The following ANAPC16 variants were observed in gnomAD, a reference collection of about 807,000 sequenced individuals.
ANAPC16 encodes anaphase promoting complex subunit 16, also known as anaphase-promoting complex subunit 16.
ANAPC16 carries 6 observed loss-of-function variants against 13.1 expected under a neutral mutation model. That is an observed-to-expected ratio of 0.46 (90% CI 0.25 to 0.90). The LOEUF (loss-of-function observed/expected upper bound fraction) is 0.90. ANAPC16 is among the 40% of genes least tolerant of loss of function. The pLI is 0.18. For synonymous variants in ANAPC16, 55 were observed against 51.3 expected, an observed-to-expected ratio of 1.07 and a Z score of -0.31; for missense variants, 113 against 131.1, an observed-to-expected ratio of 0.86 and a Z score of 0.67.
chr10:72,228,267 G>C (rs997683081), intron 2 of ANAPC16, among the ~76,000 whole-genome samples: 6 of 152,124 alleles, frequency 3.9e-5, no homozygotes, highest in African/African-American at 1.4e-4. Flanking sequence ...GCAGCATACA[G>C]CAGTTTGCAG....
intron 1 of ANAPC16, among the ~76,000 whole-genome samples, chr10:72,217,467 C>T (rs1238963034): frequency 7.2e-6 from 1 of 138,876 alleles, no homozygotes; most frequent in Admixed American, 6.9e-5. Context: ...AGCGAGAATC[C>T]GTCTCAAAAA....
At chr10:72,217,856 G>A (rs991045622) in intron 1 of ANAPC16, among the ~76,000 whole-genome samples, 40 of 151,864 alleles carry the variant, frequency 2.6e-4, no homozygotes, top group African/African-American at 9.2e-4. Context: ...GCACTGACAG[G>A]ATGGTCAAAG....
chr10:72,232,982 T>C lies in ANAPC16; in HGVS notation c.218-19T>C. ...GGTAATACGTTGTTGCATAATATTC[T>C]TTCCTTGACTCCTTACAGATCAGCA... On this transcript the variant is annotated intron_variant, in intron 3 of 3. Coordinates refer to ENST00000299381, the MANE Select transcript of ANAPC16 (RefSeq NM_173473.4). 1 of 1,603,554 alleles carries C rather than the reference T, an allele frequency of 6.2e-7. No individual in the cohort carries two copies. The highest frequency in any genetic ancestry group is 1.3e-5 in the African/African-American group (1 of 74,804).
chr10:72,230,305 G>T (rs1589716861), intron 2 of ANAPC16, 61 bp from the exon 3 acceptor site: 1 of 1,319,728 alleles, frequency 7.6e-7, no homozygotes, highest in Non-Finnish European at 1.1e-6. Flanking sequence ...AGTTTACTTG[G>T]TTTATCAGAA....
chr10:72,225,038 C>G (rs1045505226), intron 2 of ANAPC16, among the ~76,000 whole-genome samples: 3 of 152,280 alleles, frequency 2.0e-5, no homozygotes, highest in African/African-American at 4.8e-5. Flanking sequence ...AATTCTAGCA[C>G]TTTGGGAGGC....
At chr10:72,225,589 A>G (rs568245910) in intron 2 of ANAPC16, among the ~76,000 whole-genome samples, 1 of 152,264 alleles carries the variant, frequency 6.6e-6, no homozygotes, top group African/African-American at 2.4e-5. Context: ...CTCAAAAAAT[A>G]GTAATAATAA....
chr10:72,229,038 C>T (rs915794853), intron 2 of ANAPC16, among the ~76,000 whole-genome samples: 1 of 142,256 alleles, frequency 7.0e-6, no homozygotes, highest in African/African-American at 3.1e-5. Context: ...CTATGCTTTC[C>T]TCTTTCTAAA....
In ANAPC16 at chr10:72,218,145, C is replaced by CAAAAAAAAAAAAAAAAAAAAAAAAAAA. The variant is rs142932037; in HGVS notation, c.-28+2028_-28+2029insAAAAAAAAAAAAAAAAAAAAAAAAAAA. On this transcript the variant is annotated intron_variant, in intron 1 of 3. Coordinates refer to ENST00000299381, the MANE Select transcript of ANAPC16 (RefSeq NM_173473.4). ...GGGCAACAAGAGTGAAACTCTGTCTCAAAAAAAAAAAAAAAAAAAAATATA... is the reference window on the plus strand; with the variant it reads ...GGGCAACAAGAGTGAAACTCTGTCTCAAAAAAAAAAAAAAAAAAAAAAAAAAAAAAAAAAAAAAAAAAAAAAAATATA... 1.1e-4 allele frequency among the ~76,000 whole-genome samples: 4 copies of CAAAAAAAAAAAAAAAAAAAAAAAAAAA among 34,880 alleles called. 1 individual carries two copies. The highest frequency in any genetic ancestry group is 9.2e-4 in the Admixed American group (2 of 2,170). 22.9% of individuals were successfully genotyped at this position (34,880 alleles called of 152,430 possible).
rs770005105 is a variant in ANAPC16, at chr10:72,223,904, C to T, written c.-11C>T. 3 of 1,588,926 alleles carry T rather than the reference C, an allele frequency of 1.9e-6. No homozygotes were observed. The highest frequency in any genetic ancestry group is 2.6e-6 in the Non-Finnish European group (3 of 1,162,528). ...TCTCTGTAGTGAAGTAAGAACTCTGCTAGAGAGGAAATGGCTGCTTCATCA... is the reference window on the plus strand; with the variant it reads ...TCTCTGTAGTGAAGTAAGAACTCTGTTAGAGAGGAAATGGCTGCTTCATCA... On this transcript the variant is annotated 5_prime_UTR_variant, in exon 2 of 4. Transcript: ENST00000299381.
chr10:72,223,966 G>C lies in ANAPC16; in HGVS notation c.52G>C (p.Val18Leu), dbSNP rs753474790. The change falls in exon 2 of 4, where the codon GTC (valine) becomes CTC (leucine). Residue 18 changes from valine to leucine, a missense_variant. By Grantham distance (32) the Val-to-Leu change is conservative (BLOSUM62 1). Transcript: ENST00000299381. ...SSAGGVSGSS[V>L]TGSGFSVSDL... Reference sequence around the variant, plus strand: ...AGCTGGTGGGGTCAGTGGAAGTTCTGTCACTGGATCTGGTTTCAGTGTCTC... The same window carrying C: ...AGCTGGTGGGGTCAGTGGAAGTTCTCTCACTGGATCTGGTTTCAGTGTCTC... The C allele has an allele frequency of 1.1e-5, 18 of 1,611,746 alleles. No individual in the cohort carries two copies. In the South Asian group the frequency reaches 2.0e-4, roughly 18 times the overall value.
At chr10:72,217,465 T>C (rs1206583797) in intron 1 of ANAPC16, among the ~76,000 whole-genome samples, 2 of 133,606 alleles carry the variant, frequency 1.5e-5, no homozygotes, top group African/African-American at 6.5e-5. Flanking sequence ...ACAGCGAGAA[T>C]CCGTCTCAAA....
Position 72,216,063 on chromosome 10 carries a change from C to T in ANAPC16, c.-103C>T, listed in dbSNP as rs765798995. 1 of 152,344 alleles carries T rather than the reference C, an allele frequency of 6.6e-6. No homozygotes were observed. The highest frequency in any genetic ancestry group is 1.5e-5 in the Non-Finnish European group (1 of 68,162). The allele number at this position is 152,344 out of a possible 1,614,324, so 9.4% of individuals were successfully genotyped here. A position where few individuals can be genotyped will look rare whatever the true frequency, so the allele number is the denominator to read the frequency against. On this transcript the variant is annotated 5_prime_UTR_variant, in exon 1 of 4. Transcript: ENST00000299381. ...TGTTGGGGGGCGAACACGCCGCGGT[C>T]CTCGTCGTGGTGAGCGCAGCCACTC...
intron 3 of ANAPC16, among the ~76,000 whole-genome samples, chr10:72,232,452 GA>G (rs1339076363): frequency 6.7e-6 from 1 of 149,526 alleles, no homozygotes; most frequent in Non-Finnish European, 1.5e-5. Flanking sequence ...GCTGAGGCGG[GA>G]GAATCACTTG....
intron 1 of ANAPC16, among the ~76,000 whole-genome samples, chr10:72,219,184 T>C (rs925005917): frequency 6.6e-6 from 1 of 152,226 alleles, no homozygotes; most frequent in Non-Finnish European, 1.5e-5. Context: ...AAGACTGAGC[T>C]GCTCTCCAAA....
rs1210362666 is a variant in ANAPC16, at chr10:72,216,067, G to C, written c.-99G>C. The C allele has an allele frequency of 6.6e-6, 1 of 152,348 alleles. No homozygotes were observed. The highest frequency in any genetic ancestry group is 1.5e-5 in the Non-Finnish European group (1 of 68,156). 9.4% of individuals were successfully genotyped at this position (152,348 alleles called of 1,614,324 possible). On this transcript the variant is annotated 5_prime_UTR_variant, in exon 1 of 4. Transcript: ENST00000299381. ...GGGGGGCGAACACGCCGCGGTCCTC[G>C]TCGTGGTGAGCGCAGCCACTCAGGC... is the stretch of plus-strand genomic sequence containing the variant.
chr10:72,230,180 C>G (rs1455970342), intron 2 of ANAPC16, among the ~76,000 whole-genome samples, 186 bp from the exon 3 acceptor site: 1 of 152,024 alleles, frequency 6.6e-6, no homozygotes, highest in Non-Finnish European at 1.5e-5. Flanking sequence ...TTTTAATATT[C>G]TAGGTATAGA....
At chr10:72,225,022 G>A (rs374750200) in intron 2 of ANAPC16, among the ~76,000 whole-genome samples, 5 of 152,184 alleles carry the variant, frequency 3.3e-5, no homozygotes, top group African/African-American at 1.2e-4. Flanking sequence ...TGTAGCTCAT[G>A]CCTGTAATTC....
chr10:72,225,129 C>A (rs775458900), intron 2 of ANAPC16, among the ~76,000 whole-genome samples: 15 of 151,928 alleles, frequency 9.9e-5, no homozygotes, highest in Non-Finnish European at 2.1e-4. Context: ...ACTAAAAATA[C>A]AAAAACTAGC....
chr10:72,229,538 T>A (rs1165077255), intron 2 of ANAPC16, among the ~76,000 whole-genome samples: 1 of 152,160 alleles, frequency 6.6e-6, no homozygotes, highest in Non-Finnish European at 1.5e-5. Flanking sequence ...CCCGTTTGTT[T>A]TAGGATTTTC....
Sources: allele counts gnomAD v4.1 joint callset (sites outside exome capture counted in the v4.1 genomes callset), GRCh38; gene constraint gnomAD v4.1.1; transcripts MANE v1.5; gene names NCBI Gene and HGNC (gene_info 2026-07-23, HGNC 2026-07-21).